CEP350: variants seen among roughly 807,000 people sequenced by gnomAD.
CEP350 encodes centrosome-associated protein 350.
CEP350 carries 126 observed loss-of-function variants against 331.8 expected under a neutral mutation model. The ratio of observed to expected loss-of-function variants is 0.38; its 90% CI spans 0.33 to 0.44. CEP350 has a LOEUF of 0.44. Among genes scored for constraint, CEP350 ranks in the 20% least tolerant of loss-of-function variants. The pLI is 1.00. For synonymous variants in CEP350, 1,200 were observed against 1,259.5 expected, an observed-to-expected ratio of 0.95 and a Z score of 1.00; for missense variants, 3,406 against 3,634.6, an observed-to-expected ratio of 0.94 and a Z score of 1.62.
Position 180,006,505 on chromosome 1 carries a change from T to C in CEP350, c.1184T>C (p.Val395Ala). ...GCTGAAAAAAGTAAAGAGAAGAAAG[T>C]AGTCAAGCCAGTACGAAAAGTCCAA... Reference protein sequence around the residue: ...KPAEKSKEKKVVKPVRKVQKV... With the variant: ...KPAEKSKEKKAVKPVRKVQKV... The change falls in exon 8 of 38, where the codon GTA (valine) becomes GCA (alanine). Residue 395 changes from valine (V) to alanine (A), a missense_variant. Val to Ala is a moderately conservative substitution (Grantham distance 64). Around this residue, in one of 5 missense-constraint regions of CEP350, gnomAD observed 1,857 missense variants for 1,909.2 expected, o/e 0.97. Transcript: ENST00000367607. 1 of 1,553,466 alleles carries C rather than the reference T, an allele frequency of 6.4e-7. No individual in the cohort carries two copies. Among genetic ancestry groups the C allele is most frequent in the East Asian group, 2.4e-5 (1 of 41,340 alleles).
chr1:179,990,495 T>C lies in CEP350; in HGVS notation c.121-12T>C. The stretch of plus-strand genomic sequence containing the variant: ...AATTAACTTATGTCTTATGATGGTG[T>C]TTAAACTTTAGCTGAGACACATTGA... On this transcript the variant is annotated splice_polypyrimidine_tract_variant and intron_variant, in intron 3 of 37. Coordinates refer to ENST00000367607, the MANE Select transcript of CEP350 (RefSeq NM_014810.5). 7.0e-7 allele frequency: 1 copy of C among 1,429,514 alleles called. No individual in the cohort carries two copies. Among genetic ancestry groups the C allele is most frequent in the Non-Finnish European group, 9.7e-7 (1 of 1,033,182 alleles). The allele number at this position is 1,429,514 out of a possible 1,614,324, so 88.6% of individuals were successfully genotyped here.
intron 7 of CEP350, among the ~76,000 whole-genome samples, chr1:180,004,293 G>A (rs1173135751): frequency 2.6e-5 from 4 of 151,986 alleles, no homozygotes; most frequent in Non-Finnish European, 4.4e-5. Flanking sequence ...CTCTTGTTAC[G>A]GTAGATGAAC....
Position 180,014,381 on chromosome 1 carries a change from TA to T in CEP350, c.1934del (p.Asn645MetfsTer22). ...YRKQKEAFTKVKNVPPSEPSA... is the reference protein window; with the variant it reads ...YRKQKEAFTKXKNVPPSEPSA... ...AAGCAGAAGGAAGCCTTTACTAAAG[TA>T]AAAAATGTCCCTCCTTCTGAGCCAT... On this transcript the variant is annotated frameshift_variant, in exon 10 of 38. Transcript: ENST00000367607. LOFTEE classifies it high-confidence loss of function. 6.3e-7 allele frequency: 1 copy of T among 1,597,080 alleles called. No individual in the cohort carries two copies. Among genetic ancestry groups the T allele is most frequent in the Non-Finnish European group, 8.5e-7 (1 of 1,171,516 alleles).
In CEP350 at chr1:179,969,448, T is replaced by C. The variant is rs1373314923; in HGVS notation, c.-14+14306T>C. The C allele has an allele frequency of 6.1e-6, 3 of 493,948 alleles. No individual in the cohort carries two copies. The East Asian group carries it at 1.7e-4, about 28-fold the overall frequency. The allele number at this position is 493,948 out of a possible 1,614,324, so 30.6% of individuals were successfully genotyped here. On this transcript the variant is annotated intron_variant, in intron 1 of 37. Transcript: ENST00000367607. ...CTAAAGACTGGAGTGCTCAGAAGAC[T>C]GGTCTACAGCTCCCACTGCTCAGGC... is the stretch of plus-strand genomic sequence containing the variant.
chr1:180,066,822 C>T (rs1658573925), intron 27 of CEP350, among the ~76,000 whole-genome samples: 1 of 152,172 alleles, frequency 6.6e-6, no homozygotes, highest in Non-Finnish European at 1.5e-5. Flanking sequence ...ATTGTTCCAG[C>T]AGTCTTTGAA....
At chr1:180,041,601 T>G in intron 18 of CEP350, 61 bp from the exon 19 acceptor site, 3 of 1,422,306 alleles carry the variant, frequency 2.1e-6, no homozygotes, top group Non-Finnish European at 2.8e-6. Flanking sequence ...TAAATTAAAA[T>G]TAATTCAGGA....
chr1:179,991,667 A>ATATGTGTG (rs1553252542), intron 4 of CEP350, among the ~76,000 whole-genome samples: 16 of 90,214 alleles, frequency 1.8e-4, no homozygotes, highest in South Asian at 9.7e-4. Context: ...ATATATATAT[A>ATATGTGTG]TGTGTGTGTG....
intron 1 of CEP350, among the ~76,000 whole-genome samples, chr1:179,965,529 C>T (rs569001690): frequency 6.7e-6 from 1 of 149,446 alleles, no homozygotes; most frequent in African/African-American, 2.5e-5. Context: ...ATGTAAATTT[C>T]TTTTACAGAA....
At position 180,044,164 on chromosome 1, in the gene CEP350, A is replaced by C. The variant is rs1252722194; in HGVS notation, c.4613A>C (p.His1538Pro). Reference protein sequence around the residue: ...SYSESSGYKNHDRRSSSGSSR... With the variant: ...SYSESSGYKNPDRRSSSGSSR... Reference sequence around the variant, plus strand: ...TCTGAGTCTTCAGGATACAAGAATCATGATAGAAGGTGAAGACAATTTGAT... The same window carrying C: ...TCTGAGTCTTCAGGATACAAGAATCCTGATAGAAGGTGAAGACAATTTGAT... Residue 1538 changes from histidine to proline, a missense_variant, in exon 21 of 38, where the codon CAT becomes CCT. Physicochemically the swap from His to Pro is moderately conservative, Grantham distance 77 (BLOSUM62 -2). Transcript: ENST00000367607. 1 of 1,564,978 alleles carries C rather than the reference A, an allele frequency of 6.4e-7. No homozygotes were observed. Among genetic ancestry groups the C allele is most frequent in the African/African-American group, 1.4e-5 (1 of 73,776 alleles).
At position 180,094,351 on chromosome 1, in the gene CEP350, A is replaced by G. The variant is rs752931410; in HGVS notation, c.8246A>G (p.Glu2749Gly). The G allele has an allele frequency of 6.2e-7, 1 of 1,613,970 alleles. No homozygotes were observed. Among genetic ancestry groups the G allele is most frequent in the Non-Finnish European group, 8.5e-7 (1 of 1,179,864 alleles). Residue 2749 changes from glutamate (E) to glycine (G), a missense_variant, in exon 34 of 38, where the codon GAA (glutamate) becomes GGA (glycine). By Grantham distance (98) the Glu-to-Gly change is moderately conservative (BLOSUM62 -2). Coordinates refer to ENST00000367607, the MANE Select transcript of CEP350 (RefSeq NM_014810.5). Reference protein sequence around the residue: ...NEEKKSKQQLEKISLLTDSLL... With the variant: ...NEEKKSKQQLGKISLLTDSLL... Reference sequence around the variant, plus strand: ...GAAAAAAAGTCAAAACAACAACTGGAAAAAATCAGCTTACTGACAGACAGT... The same window carrying G: ...GAAAAAAAGTCAAAACAACAACTGGGAAAAATCAGCTTACTGACAGACAGT...
intron 25 of CEP350, among the ~76,000 whole-genome samples, chr1:180,055,784 G>A (rs1000860735): frequency 6.6e-6 from 1 of 151,828 alleles, no homozygotes; most frequent in Admixed American, 6.6e-5. Flanking sequence ...CTGACCTCGC[G>A]ATCCGCCATC....
intron 14 of CEP350, among the ~76,000 whole-genome samples, chr1:180,027,521 A>T (rs1258336243): frequency 6.6e-6 from 1 of 152,034 alleles, no homozygotes; most frequent in African/African-American, 2.4e-5. Context: ...AGTAGCTGGG[A>T]CTACAGGCAC....
At chr1:179,963,830 G>T (rs967236012) in intron 1 of CEP350, among the ~76,000 whole-genome samples, 1 of 152,036 alleles carries the variant, frequency 6.6e-6, no homozygotes, top group African/African-American at 2.4e-5. Context: ...GGTTCCATAT[G>T]AATTTTAGAA....
In CEP350 at chr1:179,982,098, A is replaced by G. The variant is rs75915253; in HGVS notation, c.-13-4071A>G. ...AGTATAATATACATTGAAAAAGCAC[A>G]TAAATGTGCAAGTTGATAAAGTCTC... On this transcript the variant is annotated intron_variant, in intron 1 of 37. Transcript: ENST00000367607. Among the ~76,000 whole-genome samples, 672 of 152,338 alleles carry G rather than the reference A, an allele frequency of 4.4e-3. 4 individuals are homozygous for G. The highest frequency in any genetic ancestry group is 0.015 in the African/African-American group (635 of 41,574).
intron 19 of CEP350, among the ~76,000 whole-genome samples, chr1:180,042,039 T>G (rs1027794706): frequency 6.6e-6 from 1 of 152,192 alleles, no homozygotes; most frequent in South Asian, 2.1e-4. Context: ...TGCCCTCTGG[T>G]AAGCTTTTTA....
chr1:180,087,477 C>G (rs1659935516), intron 31 of CEP350, 101 bp from the exon 32 acceptor site: 2 of 1,100,940 alleles, frequency 1.8e-6, no homozygotes, highest in Admixed American at 3.1e-5. Context: ...ATTACATCTT[C>G]TTTACTGTTT....
chr1:180,044,626 A>G (rs887516421), intron 21 of CEP350, among the ~76,000 whole-genome samples: 19 of 138,758 alleles, frequency 1.4e-4, no homozygotes, highest in African/African-American at 5.1e-4. Flanking sequence ...GAATTGAACA[A>G]TGAGAACACA....
intron 37 of CEP350, among the ~76,000 whole-genome samples, chr1:180,104,270 A>G (rs533655575): frequency 4.5e-4 from 69 of 151,712 alleles, no homozygotes; most frequent in African/African-American, 1.6e-3. Flanking sequence ...TCTATAATTA[A>G]TATTTGGATA....
intron 1 of CEP350, among the ~76,000 whole-genome samples, chr1:179,973,701 A>C (rs1256715628): frequency 3.9e-5 from 6 of 152,126 alleles, no homozygotes; most frequent in Non-Finnish European, 8.8e-5. Flanking sequence ...CCCTGTTATC[A>C]GCGGGTCAAA....
Sources: gnomAD v4.1 joint callset for allele counts (sites outside exome capture counted in the v4.1 genomes callset) on GRCh38, gnomAD v4.1.1 for gene constraint, gnomAD v4.1.1 regional missense constraint, MANE v1.5 for transcripts, NCBI Gene and HGNC (gene_info 2026-07-23, HGNC 2026-07-21) for gene names.